The following ACVR1B variants were observed in gnomAD, a reference collection of about 807,000 sequenced individuals.
ACVR1B encodes activin receptor type-1B.
ACVR1B carries 15 observed loss-of-function variants against 55.6 expected under a neutral mutation model. The observed-to-expected ratio is 0.27, with a 90% confidence interval of 0.18 to 0.42. ACVR1B has a LOEUF of 0.42. Among genes scored for constraint, ACVR1B ranks in the 10% least tolerant of loss-of-function variants. The pLI is 1.00. For missense variants in ACVR1B, 359 were observed against 670.1 expected (o/e 0.54, Z 5.13); for synonymous variants, 247 against 254.6 (o/e 0.97, Z 0.28).
At chr12:51,986,422 C>G (rs1942076933) in intron 6 of ACVR1B, among the ~76,000 whole-genome samples, 1 of 152,178 alleles carries the variant, frequency 6.6e-6, no homozygotes, top group African/African-American at 2.4e-5. Flanking sequence ...CCATGCCTGG[C>G]TAATTTTTTG....
chr12:51,977,367 C>T (rs879648572), intron 3 of ACVR1B, among the ~76,000 whole-genome samples: 4 of 151,988 alleles, frequency 2.6e-5, no homozygotes, highest in Admixed American at 2.0e-4. Context: ...GCGCAATTTC[C>T]GCTCTCTGAA....
rs549738375 is a variant in ACVR1B at position 51,953,135 on chromosome 12, C to G, written c.91+1301C>G. 5.9e-5 allele frequency among the ~76,000 whole-genome samples: 9 copies of G among 152,224 alleles called. No individual in the cohort carries two copies. The South Asian group carries it at 1.9e-3, about 32-fold the overall frequency. Reference sequence around the variant, plus strand: ...TGTATTCGCTCCTGACGTACAAAGCCTGATGCTTTGACTTCTCAGCAGCCC... The same window carrying G: ...TGTATTCGCTCCTGACGTACAAAGCGTGATGCTTTGACTTCTCAGCAGCCC... On this transcript the variant is annotated intron_variant, in intron 1 of 8. Transcript: ENST00000257963.
At chr12:51,985,657 G>A (rs1039996281) in intron 6 of ACVR1B, among the ~76,000 whole-genome samples, 3 of 152,188 alleles carry the variant, frequency 2.0e-5, no homozygotes, top group African/African-American at 7.2e-5. Flanking sequence ...CAACAGGTGT[G>A]GCTCGGGAAA....
chr12:51,954,257 G>A (rs925491769), intron 1 of ACVR1B, among the ~76,000 whole-genome samples: 1 of 152,174 alleles, frequency 6.6e-6, no homozygotes, highest in African/African-American at 2.4e-5. Context: ...CTTAGTAAAA[G>A]GCCAGTGATA....
Position 51,975,499 on chromosome 12 carries a change from C to T in ACVR1B, c.326C>T (p.Pro109Leu). The T allele has an allele frequency of 1.2e-6, 2 of 1,613,600 alleles. No individual in the cohort carries two copies. Among genetic ancestry groups the T allele is most frequent in the Non-Finnish European group, 1.7e-6 (2 of 1,179,572 alleles). The change falls in exon 2 of 9, where the codon CCC (proline) becomes CTC (leucine). Residue 109 changes from proline (P) to leucine (L), a missense_variant. By Grantham distance (98) the Pro-to-Leu change is moderately conservative (BLOSUM62 -3). Coordinates refer to ENST00000257963, the MANE Select transcript of ACVR1B (RefSeq NM_004302.5). ...TGCAACAGGATCGACTTGAGGGTGC[C>T]CAGTGGTGAGTGCATGCCCTTGTTG... ...DYCNRIDLRVPSGHLKEPEHP... is the reference protein window; with the variant it reads ...DYCNRIDLRVLSGHLKEPEHP...
chr12:51,981,294 G>A, intron 4 of ACVR1B, 95 bp downstream of exon 4: 1 of 1,080,046 alleles, frequency 9.3e-7, no homozygotes, highest in Non-Finnish European at 1.3e-6. Flanking sequence ...CTTCATCATT[G>A]TAACCCGTAG....
At chr12:51,980,018 T>G (rs1270650256) in intron 3 of ACVR1B, among the ~76,000 whole-genome samples, 2 of 152,104 alleles carry the variant, frequency 1.3e-5, no homozygotes, top group African/African-American at 4.8e-5. Flanking sequence ...AAGCATAGAT[T>G]ATAGAGTCAG....
In ACVR1B at chr12:51,984,119, C is replaced by T. The variant is rs776103829; in HGVS notation, c.932C>T (p.Ala311Val). 7 of 1,614,100 alleles carry T rather than the reference C, an allele frequency of 4.3e-6. No individual in the cohort carries two copies. The highest frequency in any genetic ancestry group is 1.7e-5 in the Admixed American group (1 of 60,010). Residue 311 changes from alanine to valine, a missense_variant, in exon 5 of 9, where the codon GCT (alanine) becomes GTT (valine). Ala to Val is a moderately conservative substitution (Grantham distance 64). This residue lies in a region of ACVR1B where 119 missense variants were observed against 340.2 expected (regional missense o/e 0.35). Coordinates refer to ENST00000257963, the MANE Select transcript of ACVR1B (RefSeq NM_004302.5). ...GGGATGATTAAGCTGGCCTTGTCTG[C>T]TGCTAGTGGGCTGGCACACCTGCAC... Reference protein sequence around the residue: ...IEGMIKLALSAASGLAHLHME... With the variant: ...IEGMIKLALSVASGLAHLHME...
intron 1 of ACVR1B, among the ~76,000 whole-genome samples, chr12:51,954,615 C>T (rs539616033): frequency 6.6e-6 from 1 of 152,312 alleles, no homozygotes; most frequent in Admixed American, 6.5e-5. Context: ...AAAATGGCTA[C>T]TCTGGTTAAA....
chr12:51,983,522 G>C (rs1028333288), intron 4 of ACVR1B, among the ~76,000 whole-genome samples: 2 of 152,214 alleles, frequency 1.3e-5, no homozygotes, highest in South Asian at 4.1e-4. Flanking sequence ...CTGTGTTTGG[G>C]CTGTGTTCAG....
intron 1 of ACVR1B, among the ~76,000 whole-genome samples, chr12:51,952,374 G>A (rs1941316902): frequency 6.6e-6 from 1 of 152,136 alleles, no homozygotes; most frequent in Non-Finnish European, 1.5e-5. Context: ...TCCTGCACTT[G>A]GCGTGTTTCT....
intron 1 of ACVR1B, among the ~76,000 whole-genome samples, chr12:51,958,605 G>T (rs897822272): frequency 4.7e-5 from 7 of 149,126 alleles, no homozygotes; most frequent in Admixed American, 1.4e-4. Flanking sequence ...CCGAGATCAC[G>T]CCACTGCACT....
chr12:51,983,930 T>C (rs1942029517), intron 4 of ACVR1B, 69 bp from the exon 5 acceptor site: 1 of 1,555,596 alleles, frequency 6.4e-7, no homozygotes, highest in African/African-American at 1.4e-5. Flanking sequence ...TATACACTCA[T>C]CCTTACCAAC....
In ACVR1B at chr12:51,976,471, G is replaced by A. The variant is rs200366489; in HGVS notation, c.476G>A (p.Arg159His). The A allele has an allele frequency of 6.8e-6, 11 of 1,613,978 alleles. No homozygotes were observed. Among genetic ancestry groups the A allele is most frequent in the Admixed American group, 3.3e-5 (2 of 59,998 alleles). The change falls in exon 3 of 9, where the codon CGC becomes CAC. Residue 159 changes from arginine (R) to histidine (H), a missense_variant. Arg to His is a conservative substitution (Grantham distance 29). Coordinates refer to ENST00000257963, the MANE Select transcript of ACVR1B (RefSeq NM_004302.5). Reference sequence around the variant, plus strand: ...TATCATCAGCGTGTCTATCACAACCGCCAGAGACTGGACATGGAAGATCCC... The same window carrying A: ...TATCATCAGCGTGTCTATCACAACCACCAGAGACTGGACATGGAAGATCCC... ...INYHQRVYHN[R>H]QRLDMEDPSC...
chr12:51,958,660 GAAAA>G (rs1342775453), intron 1 of ACVR1B, among the ~76,000 whole-genome samples: 1 of 149,500 alleles, frequency 6.7e-6, no homozygotes, highest in Non-Finnish European at 1.5e-5. Context: ...AAAAAAAAAA[GAAAA>G]GAAAGATCAT....
chr12:51,980,761 T>A (rs1941962871), intron 3 of ACVR1B, among the ~76,000 whole-genome samples: 1 of 152,190 alleles, frequency 6.6e-6, no homozygotes, highest in Admixed American at 6.5e-5. Flanking sequence ...CCTGTTTGTG[T>A]TCACTCTTTC....
chr12:51,985,401 A>T, intron 6 of ACVR1B, 53 bp downstream of exon 6: 1 of 1,549,088 alleles, frequency 6.5e-7, no homozygotes, highest in African/African-American at 1.4e-5. Flanking sequence ...TGAGTATCCC[A>T]TCTGTGCCGT....
chr12:51,978,322 G>C (rs1292737174), intron 3 of ACVR1B, among the ~76,000 whole-genome samples: 1 of 152,106 alleles, frequency 6.6e-6, no homozygotes, highest in African/African-American at 2.4e-5. Flanking sequence ...CATGGTAGTT[G>C]TTTAGTCGTC....
rs1161458151 is a variant in ACVR1B, at chr12:51,996,063, T to A, written c.*1953T>A. The A allele has an allele frequency of 6.6e-6, 1 of 152,232 alleles. No individual in the cohort carries two copies. The highest frequency in any genetic ancestry group is 6.5e-5 in the Admixed American group (1 of 15,280). The allele number at this position is 152,232 out of a possible 1,614,324, so 9.4% of individuals were successfully genotyped here. A position where few individuals can be genotyped will look rare whatever the true frequency, so the allele number is the denominator to read the frequency against. On this transcript the variant is annotated 3_prime_UTR_variant, in exon 9 of 9. Transcript: ENST00000257963. ...GAGACCAGAAGGTTTCATAATTGGT[T>A]CTACGACCCTTTTGAGCCTAGAATT... is the stretch of plus-strand genomic sequence containing the variant.
Sources: gnomAD v4.1 joint callset for allele counts (sites outside exome capture counted in the v4.1 genomes callset) on GRCh38, gnomAD v4.1.1 for gene constraint, gnomAD v4.1.1 regional missense constraint, MANE v1.5 for transcripts, NCBI Gene and HGNC (gene_info 2026-07-23, HGNC 2026-07-21) for gene names.